TRHDE: variants seen among roughly 807,000 people sequenced by gnomAD.
TRHDE encodes thyrotropin-releasing hormone-degrading ectoenzyme.
A neutral mutation model predicts 125.7 loss-of-function variants in TRHDE; 72 were observed. The observed-to-expected ratio is 0.57, with a 90% confidence interval of 0.47 to 0.70. The LOEUF is 0.70. TRHDE is among the 30% of genes least tolerant of loss of function. The pLI, the probability that TRHDE is intolerant of heterozygous loss-of-function variation, is 0.00. For synonymous variants in TRHDE, 509 were observed against 509.1 expected (o/e 1.00, Z 0.00); for missense variants, 1,110 against 1,327.1 (o/e 0.84, Z 2.54).
Position 72,273,067 on chromosome 12 carries a change from C to T in TRHDE, c.424C>T (p.Arg142Trp), listed in dbSNP as rs779357869. 6.8e-5 allele frequency: 104 copies of T among 1,526,850 alleles called. No individual in the cohort carries two copies. Among genetic ancestry groups the T allele is most frequent in the Non-Finnish European group, 8.8e-5 (100 of 1,139,806 alleles). The allele number at this position is 1,526,850 out of a possible 1,614,324, so 94.6% of individuals were successfully genotyped here. Residue 142 changes from arginine to tryptophan, a missense_variant, in exon 1 of 19, where the codon CGG becomes TGG. This residue lies in a region of TRHDE where 248 missense variants were observed against 240.8 expected (regional missense o/e 1.03). Transcript: ENST00000261180. This position sits in a 1 kb window ranked among gnomAD's most constrained non-coding sequence, Gnocchi z 5.3. ...CAACGGGAGCCTCCCTGGATCGGCC[C>T]GGCGCAACCACCACGCAGGCGGGGA... Reference protein sequence around the residue: ...GGNGSLPGSARRNHHAGGDSW... With the variant: ...GGNGSLPGSAWRNHHAGGDSW...
chr12:72,639,534 G>T (rs529138508), intron 15 of TRHDE, among the ~76,000 whole-genome samples: 1 of 152,072 alleles, frequency 6.6e-6, no homozygotes, highest in Non-Finnish European at 1.5e-5. Context: ...GCTTTGTTCC[G>T]TTGCTGGTGA....
At chr12:72,115,981 G>T (rs1566225447) in intron 2 of TRHDE, among the ~76,000 whole-genome samples, 1 of 152,082 alleles carries the variant, frequency 6.6e-6, no homozygotes, top group Non-Finnish European at 1.5e-5. Flanking sequence ...CATGCATTAG[G>T]TATTTGTCCT....
intron 2 of TRHDE, among the ~76,000 whole-genome samples, chr12:72,111,721 G>A (rs749992908): frequency 1.5e-4 from 23 of 152,054 alleles, no homozygotes; most frequent in Non-Finnish European, 2.2e-4. Context: ...ATACTTCTGA[G>A]GCATTTTTAG....
At chr12:72,278,110 T>G (rs999790565) in intron 1 of TRHDE, among the ~76,000 whole-genome samples, 5 of 152,270 alleles carry the variant, frequency 3.3e-5, no homozygotes, top group Non-Finnish European at 5.9e-5. Flanking sequence ...CCCTAACCTC[T>G]TATTATCTGG....
At chr12:72,623,529 T>C (rs2136080604) in intron 15 of TRHDE, among the ~76,000 whole-genome samples, 1 of 152,214 alleles carries the variant, frequency 6.6e-6, no homozygotes, top group East Asian at 1.9e-4. Flanking sequence ...TGAATAATTC[T>C]CAGTACCATC....
At chr12:72,595,979 T>G (rs1209209871) in intron 12 of TRHDE, among the ~76,000 whole-genome samples, 2 of 152,128 alleles carry the variant, frequency 1.3e-5, no homozygotes, top group Non-Finnish European at 2.9e-5. Flanking sequence ...TTTACCTTCA[T>G]TTCACATCAG....
chr12:72,474,391 A>T (rs1181626646), intron 5 of TRHDE, among the ~76,000 whole-genome samples: 3 of 152,134 alleles, frequency 2.0e-5, no homozygotes, highest in Non-Finnish European at 4.4e-5. Context: ...TTCATCTTGC[A>T]TGACTGAAGC....
chr12:72,533,373 C>A (rs1868663234), intron 6 of TRHDE, among the ~76,000 whole-genome samples: 1 of 152,022 alleles, frequency 6.6e-6, no homozygotes, highest in African/African-American at 2.4e-5. Context: ...TGGGGTTTCA[C>A]CATGTTGGCC....
chr12:72,419,768 T>C (rs548429760), intron 3 of TRHDE, among the ~76,000 whole-genome samples: 23 of 152,222 alleles, frequency 1.5e-4, no homozygotes, highest in Middle Eastern at 3.4e-3. Flanking sequence ...AATTAGCAGA[T>C]TAAGGGAGAT....
intron 2 of TRHDE, among the ~76,000 whole-genome samples, chr12:72,212,602 T>A (rs1171735998): frequency 1.3e-5 from 2 of 152,132 alleles, no homozygotes; most frequent in African/African-American, 4.8e-5. Flanking sequence ...CATCATCATT[T>A]ACTAAGGAAA....
At chr12:72,323,976 A>G (rs964228679) in intron 2 of TRHDE, among the ~76,000 whole-genome samples, 2 of 152,080 alleles carry the variant, frequency 1.3e-5, no homozygotes, top group Non-Finnish European at 2.9e-5. Flanking sequence ...GCTTTGCTAC[A>G]AAGTTTTATG....
intron 6 of TRHDE, among the ~76,000 whole-genome samples, chr12:72,532,789 ATTAT>A (rs1204596444): frequency 6.7e-6 from 1 of 149,480 alleles, no homozygotes; most frequent in Non-Finnish European, 1.5e-5. Context: ...TATAGATTAT[ATTAT>A]TTATTGTATT....
intron 3 of TRHDE, among the ~76,000 whole-genome samples, chr12:72,400,538 T>G (rs1407707631): frequency 6.6e-6 from 1 of 152,182 alleles, no homozygotes; most frequent in African/African-American, 2.4e-5. Flanking sequence ...ATATTAGATA[T>G]TCTCAAACCT....
intron 7 of TRHDE, among the ~76,000 whole-genome samples, chr12:72,549,917 G>A (rs1869596671): frequency 1.3e-5 from 2 of 151,510 alleles, no homozygotes; most frequent in African/African-American, 2.4e-5. Flanking sequence ...GTTGTTAACC[G>A]ACCAATGTGG....
chr12:72,460,038 G>A (rs1274687887), intron 3 of TRHDE, among the ~76,000 whole-genome samples: 1 of 152,156 alleles, frequency 6.6e-6, no homozygotes, highest in Non-Finnish European at 1.5e-5. Flanking sequence ...CCTGACCCTA[G>A]GGAATGTGGT....
At position 72,663,438 on chromosome 12, in the gene TRHDE, C is replaced by G. The variant is rs954729535; in HGVS notation, c.*243C>G. On this transcript the variant is annotated 3_prime_UTR_variant, in exon 19 of 19. Coordinates refer to ENST00000261180, the MANE Select transcript of TRHDE (RefSeq NM_013381.3). ...AAGAAACTCTTGCAAGTGAAACTAG[C>G]CATGATTGCTTCAGCTGTACATTCC... is the stretch of plus-strand genomic sequence containing the variant. The G allele has an allele frequency of 1.2e-5, 4 of 328,478 alleles. No individual in the cohort carries two copies. Among genetic ancestry groups the G allele is most frequent in the Non-Finnish European group, 2.2e-5 (4 of 180,538 alleles). The allele number at this position is 328,478 out of a possible 1,614,324, so 20.3% of individuals were successfully genotyped here. A position where few individuals can be genotyped will look rare whatever the true frequency, so the allele number is the denominator to read the frequency against.
chr12:72,580,867 G>A lies in TRHDE; in HGVS notation c.2321+5325G>A, dbSNP rs555409222. Among the ~76,000 whole-genome samples the A allele has an allele frequency of 2.0e-5, 3 of 152,294 alleles. No individual in the cohort carries two copies. The South Asian group carries it at 6.2e-4, about 32-fold the overall frequency. ...ATCTAGCAGGGAAGATGCATGGTAC[G>A]TAACTCACTATATTCAGTATATACA... is the stretch of plus-strand genomic sequence containing the variant. On this transcript the variant is annotated intron_variant, in intron 12 of 18. Transcript: ENST00000261180.
intron 6 of TRHDE, among the ~76,000 whole-genome samples, chr12:72,509,527 G>A (rs1441516543): frequency 6.6e-6 from 1 of 152,060 alleles, no homozygotes; most frequent in African/African-American, 2.4e-5. Context: ...TCTCGTTGTA[G>A]GAAAAATGTT....
At chr12:72,582,220 C>T (rs1382329724) in intron 12 of TRHDE, 1 of 976,036 alleles carries the variant, frequency 1.0e-6, no homozygotes, top group Non-Finnish European at 1.2e-6. Context: ...ATTTACTTGT[C>T]TAACAGCTTA....
Sources: allele counts gnomAD v4.1 joint callset (sites outside exome capture counted in the v4.1 genomes callset), GRCh38; gene constraint gnomAD v4.1.1; regional missense constraint gnomAD v4.1.1; non-coding constraint Gnocchi (gnomAD v3.1); transcripts MANE v1.5; gene names NCBI Gene and HGNC (gene_info 2026-07-23, HGNC 2026-07-21).